Variants in TMPRSS12 observed in about 807,000 individuals in gnomAD.
The protein encoded by TMPRSS12 is transmembrane protease serine 12.
In TMPRSS12, 25 loss-of-function variants were observed where a neutral mutation model predicts 26.0. That is an observed-to-expected ratio of 0.96 (90% CI 0.70 to 1.34). The LOEUF is 1.34. Ranked by LOEUF, TMPRSS12 falls within the 40% of genes most tolerant of loss-of-function variation. TMPRSS12 has a pLI of 0.00. For synonymous variants in TMPRSS12, 150 were observed against 161.7 expected (o/e 0.93, Z 0.55); for missense variants, 441 against 440.1 (o/e 1.00, Z -0.02).
intron 2 of TMPRSS12, among the ~76,000 whole-genome samples, chr12:50,850,532 T>A (rs2139720876): frequency 6.6e-6 from 1 of 152,264 alleles, no homozygotes; most frequent in East Asian, 1.9e-4. Context: ...GTGAGCCATG[T>A]TCACTCCACT....
intron 3 of TMPRSS12, among the ~76,000 whole-genome samples, chr12:50,877,100 G>A (rs1429766118): frequency 2.0e-5 from 3 of 152,042 alleles, no homozygotes; most frequent in African/African-American, 7.2e-5. Flanking sequence ...TAATTTGGGG[G>A]TACTATGCTC....
chr12:50,866,597 G>A (rs1937993239), intron 3 of TMPRSS12, among the ~76,000 whole-genome samples: 1 of 151,246 alleles, frequency 6.6e-6, no homozygotes, highest in African/African-American at 2.4e-5. Flanking sequence ...CTAGGGCCCT[G>A]TCCACCACTG....
Position 50,842,986 on chromosome 12 carries a change from G to C in TMPRSS12, c.22G>C (p.Val8Leu). ...CAAAATGCGGCTGGGGCTCCTGAGC[G>C]TGGCGCTGTTGTTTGTGGGGAGCTC... The part of the protein sequence containing the change: MRLGLLS[V>L]ALLFVGSSHL... Residue 8 changes from valine (V) to leucine (L), a missense_variant, in exon 1 of 5, where the codon GTG (valine) becomes CTG (leucine). Val to Leu is a conservative substitution (Grantham distance 32, BLOSUM62 1). Coordinates refer to ENST00000398458, the MANE Select transcript of TMPRSS12 (RefSeq NM_182559.3). 6.3e-7 allele frequency: 1 copy of C among 1,596,402 alleles called. No individual in the cohort carries two copies. Among genetic ancestry groups the C allele is most frequent in the Non-Finnish European group, 8.5e-7 (1 of 1,171,126 alleles).
At chr12:50,859,351 G>A (rs1220274954) in intron 3 of TMPRSS12, among the ~76,000 whole-genome samples, 3 of 152,066 alleles carry the variant, frequency 2.0e-5, no homozygotes, top group African/African-American at 7.2e-5. Context: ...AAGTAGCTGG[G>A]ATTACAGACA....
intron 3 of TMPRSS12, among the ~76,000 whole-genome samples, chr12:50,874,349 TA>T (rs1044900267): frequency 2.6e-5 from 4 of 151,936 alleles, no homozygotes; most frequent in East Asian, 1.9e-4. Flanking sequence ...CAGCAACATA[TA>T]AAAAAGGATT....
chr12:50,852,673 G>C (rs561620626), intron 2 of TMPRSS12, among the ~76,000 whole-genome samples: 2 of 152,104 alleles, frequency 1.3e-5, no homozygotes, highest in Non-Finnish European at 2.9e-5. Flanking sequence ...CCAAAGTACC[G>C]GAATTACAGG....
intron 3 of TMPRSS12, among the ~76,000 whole-genome samples, chr12:50,864,430 TAGAAG>T (rs1937968144): frequency 6.6e-6 from 1 of 152,132 alleles, no homozygotes; most frequent in African/African-American, 2.4e-5. Flanking sequence ...GGCTAAAGTT[TAGAAG>T]CACTTAAGAT....
chr12:50,853,785 T>G (rs1259518547), intron 2 of TMPRSS12, among the ~76,000 whole-genome samples: 1 of 151,880 alleles, frequency 6.6e-6, no homozygotes, highest in Admixed American at 6.6e-5. Context: ...CAGGAAGAAA[T>G]TGAAACCCTG....
At chr12:50,843,246 C>A in intron 1 of TMPRSS12, 95 bp downstream of exon 1, 1 of 1,366,170 alleles carries the variant, frequency 7.3e-7, no homozygotes, top group Non-Finnish European at 9.6e-7. Flanking sequence ...TCTGTTGTCC[C>A]AATGGCCTTT....
At chr12:50,874,827 C>CA (rs1447919961) in intron 3 of TMPRSS12, among the ~76,000 whole-genome samples, 7 of 132,056 alleles carry the variant, frequency 5.3e-5, no homozygotes, top group Non-Finnish European at 8.2e-5. Flanking sequence ...CCACACACAC[C>CA]AAAAAAACAA....
At chr12:50,865,106 T>C (rs1343212949) in intron 3 of TMPRSS12, among the ~76,000 whole-genome samples, 2 of 152,004 alleles carry the variant, frequency 1.3e-5, no homozygotes, top group Non-Finnish European at 2.9e-5. Context: ...CCAAGGCAGG[T>C]GGATCACCTG....
chr12:50,847,210 C>G (rs1186850103), intron 2 of TMPRSS12, among the ~76,000 whole-genome samples: 1 of 152,090 alleles, frequency 6.6e-6, no homozygotes, highest in African/African-American at 2.4e-5. Flanking sequence ...AGGCGCCCCC[C>G]ACCATGCCTG....
At chr12:50,859,321 T>C (rs1937913311) in intron 3 of TMPRSS12, among the ~76,000 whole-genome samples, 1 of 152,038 alleles carries the variant, frequency 6.6e-6, no homozygotes, top group African/African-American at 2.4e-5. Context: ...GTTCAAGTGA[T>C]TCTCCTGCCT....
At chr12:50,857,458 TATC>T (rs1335566144) in intron 2 of TMPRSS12, among the ~76,000 whole-genome samples, 1 of 152,152 alleles carries the variant, frequency 6.6e-6, no homozygotes, top group Admixed American at 6.5e-5. Flanking sequence ...TCTGCACTGT[TATC>T]ATCGAACACA....
chr12:50,870,607 T>C (rs999947708), intron 3 of TMPRSS12, among the ~76,000 whole-genome samples: 1 of 152,034 alleles, frequency 6.6e-6, no homozygotes, highest in Admixed American at 6.6e-5. Context: ...GCCAGAGGAA[T>C]CAGACAAGAG....
chr12:50,855,993 G>C (rs2139723550), intron 2 of TMPRSS12, among the ~76,000 whole-genome samples: 1 of 152,270 alleles, frequency 6.6e-6, no homozygotes, highest in African/African-American at 2.4e-5. Context: ...TCTCTCATAA[G>C]TGGGAGCCCA....
intron 3 of TMPRSS12, among the ~76,000 whole-genome samples, chr12:50,882,286 T>TAAAA (rs59323134): frequency 3.4e-5 from 2 of 58,506 alleles, no homozygotes; most frequent in Non-Finnish European, 5.8e-5. Flanking sequence ...CCCATCTCTC[T>TAAAA]AAAAAAAAAA....
At chr12:50,854,225 A>G (rs1236954338) in intron 2 of TMPRSS12, among the ~76,000 whole-genome samples, 2 of 152,228 alleles carry the variant, frequency 1.3e-5, no homozygotes, top group Admixed American at 6.5e-5. Context: ...ACATCATCTC[A>G]ATAGATACAG....
chr12:50,870,851 CAAAA>C (rs55702806), intron 3 of TMPRSS12, among the ~76,000 whole-genome samples: 3 of 138,704 alleles, frequency 2.2e-5, no homozygotes, highest in Non-Finnish European at 1.5e-5. Context: ...ATGATAGTTG[CAAAA>C]AAAAAAAAAA....
Sources: gnomAD v4.1 joint callset for allele counts (sites outside exome capture counted in the v4.1 genomes callset) on GRCh38, gnomAD v4.1.1 for gene constraint, MANE v1.5 for transcripts, NCBI Gene and HGNC (gene_info 2026-07-23, HGNC 2026-07-21) for gene names.